The following ENTPD7 variants were observed in gnomAD, a reference collection of about 807,000 sequenced individuals.
ENTPD7 encodes the protein NTPDase 7.
ENTPD7 carries 53 observed loss-of-function variants against 77.9 expected under a neutral mutation model. That is an observed-to-expected ratio of 0.68 (90% CI 0.55 to 0.85). The LOEUF is 0.85. Among genes scored for constraint, ENTPD7 ranks in the 40% least tolerant of loss-of-function variants. The pLI, the probability that ENTPD7 is intolerant of heterozygous loss-of-function variation, is 0.00. For synonymous variants in ENTPD7, 248 were observed against 274.9 expected, an observed-to-expected ratio of 0.90 and a Z score of 0.97; for missense variants, 636 against 743.7, an observed-to-expected ratio of 0.86 and a Z score of 1.68.
At position 99,709,350 on chromosome 10, in the gene ENTPD7, A is replaced by T. The variant is rs2036314003; in HGVS notation, c.*4667A>T. The stretch of plus-strand genomic sequence containing the variant: ...TGTGGTGTAATGTTGATTGGGAATA[A>T]GAATTATGGTAGAAATAGCAGATGT... On this transcript the variant is annotated 3_prime_UTR_variant, in exon 13 of 13. Coordinates refer to ENST00000370489, the MANE Select transcript of ENTPD7 (RefSeq NM_020354.5). 6 of 985,294 alleles carry T rather than the reference A, an allele frequency of 6.1e-6. No homozygotes were observed. The South Asian group carries it at 2.8e-4, about 46-fold the overall frequency. The allele number at this position is 985,294 out of a possible 1,614,324, so 61.0% of individuals were successfully genotyped here. A position where few individuals can be genotyped will look rare whatever the true frequency, so the allele number is the denominator to read the frequency against.
chr10:99,678,753 G>A (rs1477478436), intron 3 of ENTPD7, among the ~76,000 whole-genome samples: 4 of 139,994 alleles, frequency 2.9e-5, no homozygotes, highest in Non-Finnish European at 6.1e-5. Context: ...CTCCAGTCTG[G>A]GTGACAGAAT....
intron 10 of ENTPD7, among the ~76,000 whole-genome samples, chr10:99,699,413 T>C (rs2036059791): frequency 6.6e-6 from 1 of 152,214 alleles, no homozygotes; most frequent in Admixed American, 6.5e-5. Flanking sequence ...TATATAGGAC[T>C]TAAGCATCAT....
At chr10:99,701,390 C>G (rs527929683) in intron 11 of ENTPD7, among the ~76,000 whole-genome samples, 1 of 151,530 alleles carries the variant, frequency 6.6e-6, no homozygotes, top group Non-Finnish European at 1.5e-5. Flanking sequence ...TGGGTTCCAG[C>G]GATTCTCCTG....
chr10:99,683,417 G>A (rs2035776648), intron 5 of ENTPD7, among the ~76,000 whole-genome samples: 1 of 151,814 alleles, frequency 6.6e-6, no homozygotes, highest in Admixed American at 6.6e-5. Context: ...TTATTTTGCA[G>A]TTAAAAAAAA....
intron 2 of ENTPD7, 119 bp from the exon 3 acceptor site, chr10:99,661,327 A>G (rs1433095556): frequency 2.6e-6 from 2 of 778,468 alleles, no homozygotes; most frequent in East Asian, 5.6e-5. Context: ...AAGAACATTT[A>G]GACTTCTGTT....
Position 99,683,576 on chromosome 10 carries a change from T to C in ENTPD7, c.549-2216T>C, listed in dbSNP as rs555254749. Among the ~76,000 whole-genome samples the C allele has an allele frequency of 5.9e-5, 9 of 152,356 alleles. No individual in the cohort carries two copies. The East Asian group carries it at 1.2e-3, about 20-fold the overall frequency. On this transcript the variant is annotated intron_variant, in intron 5 of 12. Transcript: ENST00000370489. Reference sequence around the variant, plus strand: ...CCCAGCTTTAACAATTATCAACATTTCGCCATTTTAAAAGCATTTTAAATA... The same window carrying C: ...CCCAGCTTTAACAATTATCAACATTCCGCCATTTTAAAAGCATTTTAAATA...
intron 3 of ENTPD7, among the ~76,000 whole-genome samples, chr10:99,669,661 G>A (rs2035593766): frequency 6.7e-6 from 1 of 150,148 alleles, no homozygotes; most frequent in South Asian, 2.1e-4. Flanking sequence ...TGAAGGTGCA[G>A]AGATTTACCA....
At chr10:99,700,292 A>G (rs1356891021) in intron 10 of ENTPD7, among the ~76,000 whole-genome samples, 3 of 151,934 alleles carry the variant, frequency 2.0e-5, no homozygotes, top group Non-Finnish European at 4.4e-5. Flanking sequence ...TCCCAGAGCC[A>G]CCTTCTGGGA....
chr10:99,688,645 T>A (rs1307339476), intron 6 of ENTPD7, 49 bp from the exon 7 acceptor site: 1 of 1,587,694 alleles, frequency 6.3e-7, no homozygotes, highest in South Asian at 1.1e-5. Context: ...GGTGTATACA[T>A]GGCATAGCAG....
Position 99,709,097 on chromosome 10 carries a change from A to C in ENTPD7, c.*4414A>C. On this transcript the variant is annotated 3_prime_UTR_variant, in exon 13 of 13. Transcript: ENST00000370489. The stretch of plus-strand genomic sequence containing the variant: ...TAAATTTTATACATCTTTTTAAAAC[A>C]ATTTTATACAATTTCCTTTACTACA... 2.0e-6 allele frequency: 2 copies of C among 981,656 alleles called. No individual in the cohort carries two copies. Among genetic ancestry groups the C allele is most frequent in the Non-Finnish European group, 2.4e-6 (2 of 826,518 alleles). 60.8% of individuals were successfully genotyped at this position (981,656 alleles called of 1,614,324 possible). A position where few individuals can be genotyped will look rare whatever the true frequency, so the allele number is the denominator to read the frequency against.
At position 99,698,712 on chromosome 10, in the gene ENTPD7, C is replaced by G; in HGVS notation, c.1189C>G (p.Gln397Glu). 1 of 1,614,198 alleles carries G rather than the reference C, an allele frequency of 6.2e-7. No individual in the cohort carries two copies. The highest frequency in any genetic ancestry group is 8.5e-7 in the Non-Finnish European group (1 of 1,180,044). Residue 397 changes from glutamine to glutamate, a missense_variant, in exon 10 of 13, where the codon CAG becomes GAG. Gln to Glu is a conservative substitution (Grantham distance 29). This residue lies in a region of ENTPD7 where 486 missense variants were observed against 556.5 expected (regional missense o/e 0.87). Coordinates refer to ENST00000370489, the MANE Select transcript of ENTPD7 (RefSeq NM_020354.5). ...SPLLARSNTS[Q>E]ASLNGIYQSP... Reference sequence around the variant, plus strand: ...CCTGCTGGCTCGCTCCAACACCAGCCAGGCCTCACTCAATGGCATATATCA... The same window carrying G: ...CCTGCTGGCTCGCTCCAACACCAGCGAGGCCTCACTCAATGGCATATATCA...
rs1286521999 is a variant in ENTPD7 at position 99,705,909 on chromosome 10, TCTC to T, written c.*1231_*1233del. 6.6e-6 allele frequency: 1 copy of T among 152,196 alleles called. No homozygotes were observed. Among genetic ancestry groups the T allele is most frequent in the African/African-American group, 2.4e-5 (1 of 41,458 alleles). The allele number at this position is 152,196 out of a possible 1,614,324, so 9.4% of individuals were successfully genotyped here. On this transcript the variant is annotated 3_prime_UTR_variant, in exon 13 of 13. Coordinates refer to ENST00000370489, the MANE Select transcript of ENTPD7 (RefSeq NM_020354.5). ...CCCACTACCCTTCCAGAGCTTTGCT[TCTC>T]CTCCACATTTAGCCATTAAATTGCA...
At chr10:99,688,838 G>C (rs961310299) in intron 7 of ENTPD7, 88 bp downstream of exon 7, 4 of 1,303,630 alleles carry the variant, frequency 3.1e-6, no homozygotes, top group Non-Finnish European at 4.3e-6. Flanking sequence ...TGCAAATTTT[G>C]AGTTGTTTTT....
chr10:99,705,098 G>A lies in ENTPD7; in HGVS notation c.*415G>A. The A allele has an allele frequency of 5.2e-6, 1 of 192,394 alleles. No individual in the cohort carries two copies. Among genetic ancestry groups the A allele is most frequent in the Non-Finnish European group, 1.1e-5 (1 of 90,530 alleles). 11.9% of individuals were successfully genotyped at this position (192,394 alleles called of 1,614,324 possible). A position where few individuals can be genotyped will look rare whatever the true frequency, so the allele number is the denominator to read the frequency against. On this transcript the variant is annotated 3_prime_UTR_variant, in exon 13 of 13. Coordinates refer to ENST00000370489, the MANE Select transcript of ENTPD7 (RefSeq NM_020354.5). ...AGCCAGAGACATTCTAGCAAGTGCA[G>A]CAGCCCCTTCTTTCTCTGTAACAGA...
chr10:99,690,463 T>C (rs1225955898), intron 7 of ENTPD7, among the ~76,000 whole-genome samples: 1 of 152,154 alleles, frequency 6.6e-6, no homozygotes, highest in Non-Finnish European at 1.5e-5. Context: ...ACCTATATCC[T>C]TTTTGTTCTG....
At chr10:99,671,020 AAAT>A (rs60465828) in intron 3 of ENTPD7, among the ~76,000 whole-genome samples, 3 of 151,618 alleles carry the variant, frequency 2.0e-5, no homozygotes, top group Non-Finnish European at 2.9e-5. Context: ...CCTGTCTCAA[AAAT>A]AATAATAATA....
chr10:99,660,741 T>C (rs1659036746), intron 2 of ENTPD7, among the ~76,000 whole-genome samples: 1 of 151,918 alleles, frequency 6.6e-6, no homozygotes, highest in African/African-American at 2.4e-5. Context: ...CCTGGCCAAG[T>C]AGAAACCCGG....
intron 11 of ENTPD7, 87 bp downstream of exon 11, chr10:99,701,145 A>G: frequency 8.5e-7 from 1 of 1,175,698 alleles, no homozygotes; most frequent in Admixed American, 1.8e-5. Context: ...TGCAGATTAG[A>G]TTTCATGTTG....
chr10:99,675,895 C>T (rs1006463964), intron 3 of ENTPD7, among the ~76,000 whole-genome samples: 1 of 152,092 alleles, frequency 6.6e-6, no homozygotes, highest in African/African-American at 2.4e-5. Flanking sequence ...TGCGCCCAAT[C>T]GTGACTAATC....
Sources: gnomAD v4.1 joint callset for allele counts (sites outside exome capture counted in the v4.1 genomes callset) on GRCh38, gnomAD v4.1.1 for gene constraint, gnomAD v4.1.1 regional missense constraint, MANE v1.5 for transcripts, NCBI Gene and HGNC (gene_info 2026-07-23, HGNC 2026-07-21) for gene names.